Variants in DLC1 observed in about 807,000 individuals in gnomAD.
The protein encoded by DLC1 is rho GTPase-activating protein 7.
DLC1 carries 54 observed loss-of-function variants against 140.3 expected under a neutral mutation model. The ratio of observed to expected loss-of-function variants is 0.38; its 90% CI spans 0.31 to 0.48. DLC1 has a LOEUF of 0.48. DLC1 is among the 20% of genes least tolerant of loss of function. DLC1 has a pLI of 0.96. For synonymous variants in DLC1, 986 were observed against 728.1 expected (o/e 1.35, Z -5.70); for missense variants, 2,536 against 1,907.0 (o/e 1.33, Z -6.14).
At chr8:13,087,932 G>A (rs560331970) in intron 16 of DLC1, among the ~76,000 whole-genome samples, 17 of 152,256 alleles carry the variant, frequency 1.1e-4, no homozygotes, top group Non-Finnish European at 2.2e-4. Flanking sequence ...AATCTGCTAC[G>A]AATGAGCATA....
chr8:13,370,487 A>T (rs1276390628), intron 4 of DLC1, among the ~76,000 whole-genome samples: 2 of 152,006 alleles, frequency 1.3e-5, no homozygotes, highest in African/African-American at 4.8e-5. Context: ...TCCAGGGCAG[A>T]CTTCTTCTTG....
chr8:13,399,709 C>T (rs1197287025), intron 3 of DLC1, among the ~76,000 whole-genome samples: 1 of 152,118 alleles, frequency 6.6e-6, no homozygotes, highest in Non-Finnish European at 1.5e-5. Context: ...ATCTATGCAG[C>T]CTCCTTAAAC....
At chr8:13,208,760 A>T (rs1344894736) in intron 5 of DLC1, among the ~76,000 whole-genome samples, 1 of 151,802 alleles carries the variant, frequency 6.6e-6, no homozygotes, top group African/African-American at 2.4e-5. Flanking sequence ...ACACACACAC[A>T]CACACACACA....
At chr8:13,470,495 G>A (rs553479343) in intron 2 of DLC1, among the ~76,000 whole-genome samples, 3 of 152,234 alleles carry the variant, frequency 2.0e-5, no homozygotes, top group African/African-American at 4.8e-5. Context: ...CATAGAAATG[G>A]TCAACAGGTA....
At chr8:13,287,780 A>C (rs1226627185) in intron 5 of DLC1, among the ~76,000 whole-genome samples, 1 of 152,172 alleles carries the variant, frequency 6.6e-6, no homozygotes, top group Non-Finnish European at 1.5e-5. Flanking sequence ...TGAAATATTC[A>C]AAGATAAAGA....
chr8:13,132,949 A>G, intron 5 of DLC1: 1 of 1,609,796 alleles, frequency 6.2e-7, no homozygotes, highest in Non-Finnish European at 8.5e-7. Flanking sequence ...CTTACGTGTT[A>G]GGATCATGGT....
intron 5 of DLC1, among the ~76,000 whole-genome samples, chr8:13,135,307 A>G (rs1023174868): frequency 3.3e-5 from 5 of 149,550 alleles, no homozygotes; most frequent in Admixed American, 6.7e-5. Context: ...CAGCCTCCCG[A>G]GTAGCTGGGA....
At chr8:13,171,289 T>G (rs73663617) in intron 5 of DLC1, among the ~76,000 whole-genome samples, 6,109 of 152,280 alleles carry the variant, frequency 0.04, 126 homozygotes, top group Non-Finnish European at 0.044. Context: ...AACCTGTTTG[T>G]TCTTATTCTC....
At chr8:13,122,238 C>T (rs188209195) in intron 5 of DLC1, among the ~76,000 whole-genome samples, 1 of 152,306 alleles carries the variant, frequency 6.6e-6, no homozygotes, top group East Asian at 1.9e-4. Context: ...GCAAAGACCA[C>T]AGCCTTCACA....
intron 2 of DLC1, among the ~76,000 whole-genome samples, chr8:13,425,331 G>C (rs1015501124): frequency 3.3e-5 from 5 of 152,156 alleles, no homozygotes; most frequent in African/African-American, 1.2e-4. Context: ...AATATTGATG[G>C]AGCCATGTGG....
rs1277173389 is a variant in DLC1 at position 13,531,498 on chromosome 8, A to C, written c.-125-31302T>G. ...TTACTCAGGTGGCTGAGGCAGGAGAATCACTTGAACCTGGGAGGTGCAGGT... is the reference window on the plus strand; with the variant it reads ...TTACTCAGGTGGCTGAGGCAGGAGACTCACTTGAACCTGGGAGGTGCAGGT... On this transcript the variant is annotated intron_variant, in intron 1 of 1. Coordinates refer to the DLC1 transcript ENST00000631382. Among the ~76,000 whole-genome samples, 5 of 152,176 alleles carry C rather than the reference A, an allele frequency of 3.3e-5. No homozygotes were observed. The East Asian group carries it at 9.7e-4, about 29-fold the overall frequency.
At chr8:13,416,670 G>T (rs761896683) in intron 2 of DLC1, among the ~76,000 whole-genome samples, 8 of 152,104 alleles carry the variant, frequency 5.3e-5, no homozygotes, top group Admixed American at 1.3e-4. Context: ...ATAAACCCAG[G>T]TGGTGGGTAC....
intron 1 of DLC1, among the ~76,000 whole-genome samples, chr8:13,573,446 TTCTA>T (rs1393287350): frequency 1.3e-5 from 2 of 152,190 alleles, no homozygotes; most frequent in Non-Finnish European, 2.9e-5. Context: ...TTGAATGCCT[TTCTA>T]TCTTTGCATA....
chr8:13,489,133 G>T (rs1258916041), intron 2 of DLC1, among the ~76,000 whole-genome samples: 1 of 151,792 alleles, frequency 6.6e-6, no homozygotes, highest in Non-Finnish European at 1.5e-5. Flanking sequence ...TTTTAATAGA[G>T]ACAGGGTTTC....
intron 4 of DLC1, among the ~76,000 whole-genome samples, chr8:13,361,077 C>T (rs1457666320): frequency 6.6e-6 from 1 of 151,964 alleles, no homozygotes; most frequent in Non-Finnish European, 1.5e-5. Context: ...CAAAAACATA[C>T]AAAAAGTAGC....
intron 5 of DLC1, among the ~76,000 whole-genome samples, chr8:13,244,579 A>G (rs1269708345): frequency 6.6e-6 from 1 of 152,110 alleles, no homozygotes; most frequent in Non-Finnish European, 1.5e-5. Context: ...GATTACAGGC[A>G]TGAGCCACCA....
intron 2 of DLC1, among the ~76,000 whole-genome samples, chr8:13,448,874 A>G (rs546472843): frequency 4.5e-4 from 62 of 137,012 alleles, no homozygotes; most frequent in Non-Finnish European, 9.6e-4. Flanking sequence ...ACACTAGCAG[A>G]TTTCACAGCA....
chr8:13,524,981 C>G (rs1802874846), intron 1 of DLC1, among the ~76,000 whole-genome samples: 1 of 152,070 alleles, frequency 6.6e-6, no homozygotes, highest in Non-Finnish European at 1.5e-5. Flanking sequence ...TCTTTGCCAT[C>G]TCTCCCTCTT....
chr8:13,121,750 G>A (rs536236899), intron 5 of DLC1, among the ~76,000 whole-genome samples: 15 of 151,968 alleles, frequency 9.9e-5, no homozygotes, highest in Middle Eastern at 3.4e-3. Context: ...ACAGAGTCTC[G>A]CTATGTTGCC....
Sources: allele counts gnomAD v4.1 joint callset (sites outside exome capture counted in the v4.1 genomes callset), GRCh38; gene constraint gnomAD v4.1.1; transcripts MANE v1.5; gene names NCBI Gene and HGNC (gene_info 2026-07-23, HGNC 2026-07-21).